Variants in RAD51C observed in about 807,000 individuals in gnomAD.
RAD51C encodes the protein DNA repair protein RAD51 homolog 3.
In RAD51C, 42 loss-of-function variants were observed where a neutral mutation model predicts 45.0. That is an observed-to-expected ratio of 0.93 (90% CI 0.73 to 1.21). The LOEUF (loss-of-function observed/expected upper bound fraction) is 1.21, where lower values mean the gene tolerates loss of function less well. Among genes scored for constraint, RAD51C ranks in the 50% most tolerant of loss-of-function variants. The pLI is 0.00. For missense variants in RAD51C, 474 were observed against 452.2 expected (o/e 1.05, Z -0.44); for synonymous variants, 172 against 159.8 (o/e 1.08, Z -0.58).
Position 58,724,095 on chromosome 17 carries a change from G to C in RAD51C, c.960G>C (p.Lys320Asn), listed in dbSNP as rs864622395. The C allele has an allele frequency of 3.1e-6, 5 of 1,611,138 alleles. No individual in the cohort carries two copies. The highest frequency in any genetic ancestry group is 8.5e-7 in the Non-Finnish European group (1 of 1,177,338). ...TIRLIFHWDR[K>N]QRLATLYKSP... ...GGCTAATCTTTCATTGGGACCGAAA[G>C]CAAAGGTCAGTACAGAAACAAGTTA... Residue 320 changes from lysine to asparagine, a missense_variant, in exon 7 of 9, where the codon AAG becomes AAC. Lys to Asn is a moderately conservative substitution (Grantham distance 94). Coordinates refer to ENST00000337432, the MANE Select transcript of RAD51C (RefSeq NM_058216.3).
rs766022816 is a variant in RAD51C, at chr17:58,695,076, G to A, written c.291G>A (p.Gln97=). 6.2e-7 allele frequency: 1 copy of A among 1,614,066 alleles called. No homozygotes were observed. The change falls in exon 2 of 9, where the codon CAG becomes CAA. Residue 97 remains glutamine (Q), a synonymous_variant. Transcript: ENST00000337432. The stretch of plus-strand genomic sequence containing the variant: ...AACTTCTTGAGCAGGAGCATACCCA[G>A]GGCTTCATAATCACCTTCTGTTCAG... ...ALELLEQEHT[Q]GFIITFCSAL...
At chr17:58,724,129 G>T (rs989931687) in intron 7 of RAD51C, 29 bp downstream of exon 7, 1 of 1,572,586 alleles carries the variant, frequency 6.4e-7, no homozygotes, top group Non-Finnish European at 8.8e-7. Context: ...TAATAACTCC[G>T]AATATTGGGT....
chr17:58,715,610 T>C (rs2048707656), intron 5 of RAD51C, among the ~76,000 whole-genome samples: 1 of 152,168 alleles, frequency 6.6e-6, no homozygotes, highest in Non-Finnish European at 1.5e-5. Context: ...TGGCCTTTTA[T>C]GTCTGACTTC....
chr17:58,712,744 C>A, intron 5 of RAD51C, among the ~76,000 whole-genome samples: 1 of 151,838 alleles, frequency 6.6e-6, no homozygotes, highest in East Asian at 1.9e-4. Flanking sequence ...GGCATGAACC[C>A]GGGAGGCGGA....
chr17:58,697,959 G>A (rs1205974279), intron 3 of RAD51C, among the ~76,000 whole-genome samples: 9 of 151,968 alleles, frequency 5.9e-5, no homozygotes, highest in South Asian at 2.1e-4. Flanking sequence ...TGATCCTCCC[G>A]CCTCAGCCTC....
chr17:58,698,063 G>C (rs1264761747), intron 3 of RAD51C, among the ~76,000 whole-genome samples: 1 of 151,554 alleles, frequency 6.6e-6, no homozygotes, highest in Non-Finnish European at 1.5e-5. Context: ...CCAGGCTAGA[G>C]TACAGTGGCG....
At chr17:58,718,923 A>G (rs1259417450) in intron 5 of RAD51C, among the ~76,000 whole-genome samples, 1 of 152,124 alleles carries the variant, frequency 6.6e-6, no homozygotes, top group African/African-American at 2.4e-5. Flanking sequence ...GGCAATAGTG[A>G]TAAAGAACAT....
At chr17:58,695,332 TA>T in intron 2 of RAD51C, 143 bp downstream of exon 2, 1 of 1,408,932 alleles carries the variant, frequency 7.1e-7, no homozygotes, top group Non-Finnish European at 9.2e-7. Flanking sequence ...AAAATTAGCT[TA>T]CTATTTGTGT....
intron 3 of RAD51C, among the ~76,000 whole-genome samples, chr17:58,699,558 G>T (rs575861550): frequency 3.5e-4 from 53 of 152,062 alleles, no homozygotes; most frequent in African/African-American, 1.2e-3. Context: ...TGCCACTTTG[G>T]CATAAGGATT....
At chr17:58,733,470 A>G (rs968815059) in intron 8 of RAD51C, among the ~76,000 whole-genome samples, 3 of 152,228 alleles carry the variant, frequency 2.0e-5, no homozygotes, top group Non-Finnish European at 2.9e-5. Context: ...TAGAGTATTT[A>G]ATTATGAAAA....
At chr17:58,704,607 C>T (rs1388837964) in intron 4 of RAD51C, among the ~76,000 whole-genome samples, 1 of 152,088 alleles carries the variant, frequency 6.6e-6, no homozygotes, top group East Asian at 1.9e-4. Context: ...GACCCCTTCA[C>T]CTTGCTCTTG....
chr17:58,698,916 CCTT>C (rs2048113643), intron 3 of RAD51C, among the ~76,000 whole-genome samples: 1 of 149,682 alleles, frequency 6.7e-6, no homozygotes, highest in Non-Finnish European at 1.5e-5. Flanking sequence ...AAGTGAAACT[CCTT>C]CTCAAAAAAA....
At chr17:58,718,165 T>G (rs773891649) in intron 5 of RAD51C, among the ~76,000 whole-genome samples, 10 of 152,062 alleles carry the variant, frequency 6.6e-5, no homozygotes, top group Non-Finnish European at 8.8e-5. Context: ...TTCGGCTAAT[T>G]TTTTGTAATT....
intron 6 of RAD51C, among the ~76,000 whole-genome samples, chr17:58,722,252 T>C (rs541925907): frequency 6.6e-6 from 1 of 152,280 alleles, no homozygotes; most frequent in Non-Finnish European, 1.5e-5. Context: ...AGGAATATTA[T>C]GCTTAAGTTG....
At chr17:58,697,429 A>T (rs2048056090) in intron 3 of RAD51C, among the ~76,000 whole-genome samples, 2 of 150,774 alleles carry the variant, frequency 1.3e-5, no homozygotes, top group African/African-American at 4.9e-5. Flanking sequence ...TCAGCTACTA[A>T]GGAGGCTGAG....
Position 58,734,441 on chromosome 17 carries a change from A to G in RAD51C, c.*219A>G, listed in dbSNP as rs1217661261. On this transcript the variant is annotated 3_prime_UTR_variant, in exon 9 of 9. Coordinates refer to ENST00000337432, the MANE Select transcript of RAD51C (RefSeq NM_058216.3). ...TTACCCTGTTTTCATTTTCAGTAAC[A>G]TTCAGTAGAGATGATTATTATATTT... is the stretch of plus-strand genomic sequence containing the variant. 2 of 724,856 alleles carry G rather than the reference A, an allele frequency of 2.8e-6. No individual in the cohort carries two copies. Among genetic ancestry groups the G allele is most frequent in the Middle Eastern group, 4.1e-4 (1 of 2,422 alleles). The allele number at this position is 724,856 out of a possible 1,614,324, so 44.9% of individuals were successfully genotyped here. A position where few individuals can be genotyped will look rare whatever the true frequency, so the allele number is the denominator to read the frequency against.
rs1060504671 is a variant in RAD51C, at chr17:58,709,850, T to C, written c.706-9T>C. 2 of 1,599,564 alleles carry C rather than the reference T, an allele frequency of 1.3e-6. No individual in the cohort carries two copies. The highest frequency in any genetic ancestry group is 2.2e-5 in the South Asian group (2 of 90,780). ...GTAACAAATCTAATATTATCTCTTC[T>C]GTATTTAGGTTCGACTAGTGATAGT... On this transcript the variant is annotated splice_polypyrimidine_tract_variant and intron_variant, in intron 4 of 8. Coordinates refer to ENST00000337432, the MANE Select transcript of RAD51C (RefSeq NM_058216.3).
At chr17:58,725,307 T>G (rs2049078396) in intron 7 of RAD51C, among the ~76,000 whole-genome samples, 1 of 152,192 alleles carries the variant, frequency 6.6e-6, no homozygotes, top group Non-Finnish European at 1.5e-5. Context: ...GGAGTTATTT[T>G]CTCGGCACCA....
Position 58,698,285 on chromosome 17 carries a change from C to T in RAD51C, c.571+1426C>T, listed in dbSNP as rs2048091124. Among the ~76,000 whole-genome samples the T allele has an allele frequency of 3.3e-5, 5 of 149,668 alleles. No individual in the cohort carries two copies. The Admixed American group carries it at 3.4e-4, about 10-fold the overall frequency. On this transcript the variant is annotated intron_variant, in intron 3 of 8. Coordinates refer to ENST00000337432, the MANE Select transcript of RAD51C (RefSeq NM_058216.3). ...GCAAGCTCTGCCTCCTGGGTTCATG[C>T]CATTCTCCTGCCTCAGCCTCCCAAG...
Sources: allele counts gnomAD v4.1 joint callset (sites outside exome capture counted in the v4.1 genomes callset), GRCh38; gene constraint gnomAD v4.1.1; transcripts MANE v1.5; gene names NCBI Gene and HGNC (gene_info 2026-07-23, HGNC 2026-07-21).